EYS: variants seen among roughly 807,000 people sequenced by gnomAD.
The protein encoded by EYS is EGF-like photoreceptor maintenance factor, also known as protein eyes shut homolog.
In EYS, 250 loss-of-function variants were observed where a neutral mutation model predicts 282.1. That is an observed-to-expected ratio of 0.89 (90% CI 0.80 to 0.98). The LOEUF (loss-of-function observed/expected upper bound fraction) is 0.98, where lower values mean the gene tolerates loss of function less well. Ranked by LOEUF, EYS falls within the 50% of genes least tolerant of loss-of-function variation. The pLI is 0.00. For synonymous variants in EYS, 1,355 were observed against 1,282.9 expected (o/e 1.06, Z -1.20); for missense variants, 4,016 against 3,709.0 (o/e 1.08, Z -2.15).
At chr6:64,400,241 G>A (rs1773501081) in intron 28 of EYS, 1 of 151,874 alleles carries the variant, frequency 6.6e-6, no homozygotes, top group South Asian at 2.1e-4. Context: ...AGTTGTGCAG[G>A]TTTTCACCTT....
chr6:65,253,760 AG>A (rs1272710361), intron 12 of EYS, among the ~76,000 whole-genome samples: 1 of 151,912 alleles, frequency 6.6e-6, no homozygotes, highest in African/African-American at 2.4e-5. Flanking sequence ...TAAAGTTAAT[AG>A]AGTGCTACTT....
chr6:64,650,736 T>A (rs1768526998), intron 22 of EYS, among the ~76,000 whole-genome samples: 1 of 152,080 alleles, frequency 6.6e-6, no homozygotes, highest in African/African-American at 2.4e-5. Context: ...TGTAAATTCA[T>A]GTTGTATAAA....
At chr6:65,564,225 C>A (rs1367431650) in intron 2 of EYS, among the ~76,000 whole-genome samples, 3 of 152,020 alleles carry the variant, frequency 2.0e-5, no homozygotes, top group African/African-American at 4.8e-5. Context: ...TCAATGTTAT[C>A]CCCATTAAGT....
chr6:64,957,646 AC>A (rs1451098236), intron 14 of EYS, among the ~76,000 whole-genome samples: 1 of 152,038 alleles, frequency 6.6e-6, no homozygotes, highest in East Asian at 1.9e-4. Context: ...AGGGATGAAG[AC>A]CTCATTCTCC....
In EYS at chr6:65,375,375, A is replaced by G. The variant is rs575735399; in HGVS notation, c.1299+9011T>C. Among the ~76,000 whole-genome samples the G allele has an allele frequency of 4.6e-5, 7 of 152,130 alleles. No homozygotes were observed. The East Asian group carries it at 7.7e-4, about 17-fold the overall frequency. On this transcript the variant is annotated intron_variant, in intron 8 of 42. Coordinates refer to ENST00000503581, the MANE Select transcript of EYS (RefSeq NM_001142800.2). ...AAGGATCCCCACACACAGAAACCCC[A>G]TCAAAAGGTCATCAGCCTCAAAGGT... is the stretch of plus-strand genomic sequence containing the variant.
chr6:65,547,251 A>G lies in EYS; in HGVS notation c.-332-51258T>C, dbSNP rs186789813. The stretch of plus-strand genomic sequence containing the variant: ...TTTCACTATTTCCACAGATATTTTC[A>G]TATCATTAGGAAATCCTTAGAAAGA... On this transcript the variant is annotated intron_variant, in intron 2 of 42. Transcript: ENST00000503581. Among the ~76,000 whole-genome samples the G allele has an allele frequency of 5.1e-3, 777 of 150,950 alleles. 4 individuals carry two copies. Among genetic ancestry groups the G allele is most frequent in the African/African-American group, 0.017 (708 of 41,032 alleles).
At chr6:64,031,010 G>A (rs1364525240) in intron 33 of EYS, among the ~76,000 whole-genome samples, 1 of 152,234 alleles carries the variant, frequency 6.6e-6, no homozygotes, top group East Asian at 1.9e-4. Context: ...GACGGCGTGT[G>A]CCCTCACTTG....
chr6:65,024,465 A>G (rs7738129), intron 13 of EYS, among the ~76,000 whole-genome samples: 52,979 of 152,038 alleles, frequency 0.35, 10,285 homozygotes, highest in African/African-American at 0.53. Context: ...CAGGCCCTGA[A>G]TCTATGAATT....
At chr6:65,235,578 T>A (rs1766902072) in intron 12 of EYS, among the ~76,000 whole-genome samples, 1 of 152,188 alleles carries the variant, frequency 6.6e-6, no homozygotes, top group African/African-American at 2.4e-5. Context: ...AATTAGGTGA[T>A]GTAGATTGTA....
intron 32 of EYS, 29 bp from the exon 33 acceptor site, chr6:64,066,520 T>C: frequency 7.4e-7 from 1 of 1,351,268 alleles, no homozygotes; most frequent in South Asian, 1.3e-5. Context: ...ATATTAGTAA[T>C]TATTGTAGAT....
intron 31 of EYS, among the ~76,000 whole-genome samples, chr6:64,185,866 A>G (rs562022944): frequency 1.5e-4 from 23 of 152,232 alleles, no homozygotes; most frequent in African/African-American, 5.1e-4. Context: ...AATCCTTACT[A>G]TATGTGGAAA....
At chr6:64,125,684 AGT>A (rs1160000511) in intron 31 of EYS, among the ~76,000 whole-genome samples, 1 of 148,714 alleles carries the variant, frequency 6.7e-6, no homozygotes, top group Non-Finnish European at 1.5e-5. Flanking sequence ...TACTCAGGAG[AGT>A]GAGGCAGGAG....
At chr6:65,070,978 T>C (rs1263490233) in intron 12 of EYS, among the ~76,000 whole-genome samples, 1 of 151,870 alleles carries the variant, frequency 6.6e-6, no homozygotes, top group Non-Finnish European at 1.5e-5. Context: ...TATACATACA[T>C]TTGTCACTTT....
intron 2 of EYS, among the ~76,000 whole-genome samples, chr6:65,590,178 CA>C (rs780486074): frequency 6.6e-6 from 1 of 151,890 alleles, no homozygotes; most frequent in Admixed American, 6.6e-5. Flanking sequence ...CAATTATAGG[CA>C]AAAGCCAGGA....
At chr6:65,115,891 A>G (rs1052047754) in intron 12 of EYS, among the ~76,000 whole-genome samples, 1 of 152,040 alleles carries the variant, frequency 6.6e-6, no homozygotes, top group Admixed American at 6.6e-5. Context: ...CTGACTTCCA[A>G]CATTATACTT....
chr6:65,111,668 T>C (rs1408124709), intron 12 of EYS, among the ~76,000 whole-genome samples: 1 of 152,058 alleles, frequency 6.6e-6, no homozygotes, highest in African/African-American at 2.4e-5. Flanking sequence ...ACCAACATGA[T>C]GAAGCCCCAT....
At chr6:65,144,164 A>G (rs1225755774) in intron 12 of EYS, among the ~76,000 whole-genome samples, 1 of 152,070 alleles carries the variant, frequency 6.6e-6, no homozygotes, top group Non-Finnish European at 1.5e-5. Flanking sequence ...TCAGATTTTC[A>G]AGAGAAGAGA....
intron 2 of EYS, among the ~76,000 whole-genome samples, chr6:65,500,879 G>A (rs1473422212): frequency 6.6e-6 from 1 of 151,916 alleles, no homozygotes; most frequent in Non-Finnish European, 1.5e-5. Flanking sequence ...TGTCACAGAT[G>A]AGCTGAAGAA....
intron 13 of EYS, among the ~76,000 whole-genome samples, chr6:65,003,935 T>G (rs1489495694): frequency 2.0e-5 from 3 of 147,380 alleles, no homozygotes; most frequent in Non-Finnish European, 4.6e-5. Context: ...CTCAACAAAA[T>G]TACCCATTTT....
Sources: gnomAD v4.1 joint callset for allele counts (sites outside exome capture counted in the v4.1 genomes callset) on GRCh38, gnomAD v4.1.1 for gene constraint, MANE v1.5 for transcripts, NCBI Gene and HGNC (gene_info 2026-07-23, HGNC 2026-07-21) for gene names.